NBAS: variants seen among roughly 807,000 people sequenced by gnomAD.
The protein encoded by NBAS is NAG/BC035112 fusion.
NBAS carries 219 observed loss-of-function variants against 302.5 expected under a neutral mutation model. The observed-to-expected ratio is 0.72, with a 90% CI of 0.65 to 0.81. NBAS has a LOEUF of 0.81. Ranked by LOEUF, NBAS falls within the 30% of genes least tolerant of loss-of-function variation. The pLI is 0.00. For missense variants in NBAS, 2,932 were observed against 2,841.6 expected, an observed-to-expected ratio of 1.03 and a Z score of -0.72; for synonymous variants, 1,118 against 1,021.6, an observed-to-expected ratio of 1.09 and a Z score of -1.80.
chr2:15,140,506 T>A, the NBAS span, among the ~76,000 whole-genome samples: 1 of 152,366 alleles, frequency 6.6e-6, no homozygotes, highest in East Asian at 1.9e-4. Flanking sequence ...TTCTTATGCT[T>A]CTCATTTGCA....
At chr2:15,155,920 G>A in the NBAS span, among the ~76,000 whole-genome samples, 1 of 152,182 alleles carries the variant, frequency 6.6e-6, no homozygotes, top group African/African-American at 2.4e-5. Flanking sequence ...CGGTGCCAAG[G>A]CTCACAGAAG....
intron 35 of NBAS, among the ~76,000 whole-genome samples, chr2:15,337,235 C>T (rs1672626777): frequency 6.6e-6 from 1 of 151,946 alleles, no homozygotes. Flanking sequence ...GAGGGAGGAC[C>T]ACTTAAGCAC....
intron 32 of NBAS, among the ~76,000 whole-genome samples, chr2:15,363,084 G>GA (rs1243942110): frequency 4.0e-5 from 6 of 151,892 alleles, no homozygotes; most frequent in Non-Finnish European, 8.8e-5. Flanking sequence ...AAAACAGTCA[G>GA]AAAAAAAAGA....
chr2:14,903,803 C>A, the NBAS span, among the ~76,000 whole-genome samples: 1 of 151,958 alleles, frequency 6.6e-6, no homozygotes, highest in Non-Finnish European at 1.5e-5. Flanking sequence ...CTGAGAAAAT[C>A]GAAGTTCAGG....
At chr2:15,435,378 T>C (rs1177506231) in intron 21 of NBAS, among the ~76,000 whole-genome samples, 1 of 152,236 alleles carries the variant, frequency 6.6e-6, no homozygotes, top group Non-Finnish European at 1.5e-5. Flanking sequence ...ACACTATTTA[T>C]ATAACCATTC....
At chr2:15,003,026 G>C in the NBAS span, among the ~76,000 whole-genome samples, 1 of 152,274 alleles carries the variant, frequency 6.6e-6, no homozygotes, top group African/African-American at 2.4e-5. Flanking sequence ...TGCAGCCAAA[G>C]TAGGAGCCCA....
the NBAS span, among the ~76,000 whole-genome samples, chr2:14,837,900 T>C: frequency 6.6e-6 from 1 of 151,902 alleles, no homozygotes; most frequent in Admixed American, 6.6e-5. Context: ...TACGCTAGTC[T>C]CCTACTGGAA....
At chr2:15,247,788 A>G (rs1041701448) in intron 44 of NBAS, among the ~76,000 whole-genome samples, 2 of 145,098 alleles carry the variant, frequency 1.4e-5, no homozygotes, top group African/African-American at 5.4e-5. Context: ...AGAACCAATG[A>G]CAATACGGGC....
chr2:15,283,190 A>G (rs1572584217), intron 42 of NBAS, among the ~76,000 whole-genome samples: 1 of 152,226 alleles, frequency 6.6e-6, no homozygotes, highest in East Asian at 1.9e-4. Context: ...TGGTACTATT[A>G]TATCAGCCAG....
At chr2:15,223,323 A>T (rs1667027992) in intron 47 of NBAS, among the ~76,000 whole-genome samples, 1 of 152,180 alleles carries the variant, frequency 6.6e-6, no homozygotes, top group Non-Finnish European at 1.5e-5. Context: ...GGGGAAAAGC[A>T]TGTCAGTATT....
the NBAS span, among the ~76,000 whole-genome samples, chr2:15,113,985 C>T: frequency 4.1e-3 from 630 of 152,062 alleles, 4 homozygotes; most frequent in African/African-American, 0.014. Flanking sequence ...CCACTATCTA[C>T]GAAATAGTTT....
the NBAS span, among the ~76,000 whole-genome samples, chr2:14,919,368 C>T: frequency 1.3e-5 from 2 of 152,078 alleles, no homozygotes; most frequent in African/African-American, 4.8e-5. Flanking sequence ...TGTGAACCTG[C>T]AGTGTGTCAT....
chr2:15,142,193 T>C, the NBAS span, among the ~76,000 whole-genome samples: 1 of 152,212 alleles, frequency 6.6e-6, no homozygotes, highest in East Asian at 1.9e-4. Flanking sequence ...CTGTCAACAG[T>C]TGCAAATGCA....
At chr2:15,197,962 G>T (rs2125156285) in intron 48 of NBAS, among the ~76,000 whole-genome samples, 1 of 152,348 alleles carries the variant, frequency 6.6e-6, no homozygotes, top group East Asian at 1.9e-4. Context: ...ATTCAAAAGA[G>T]GGTCTTTTTC....
At chr2:15,438,221 A>C (rs1678128185) in intron 21 of NBAS, among the ~76,000 whole-genome samples, 1 of 152,224 alleles carries the variant, frequency 6.6e-6, no homozygotes, top group South Asian at 2.1e-4. Context: ...CCATTTAATC[A>C]ACTGCATAGA....
At chr2:15,338,646 T>C (rs149362474) in intron 35 of NBAS, among the ~76,000 whole-genome samples, 1,841 of 147,066 alleles carry the variant, frequency 0.013, 36 homozygotes, top group South Asian at 0.025. Flanking sequence ...AACATGCATG[T>C]GCACTCACAT....
chr2:15,114,647 TA>T, the NBAS span, among the ~76,000 whole-genome samples: 6 of 152,058 alleles, frequency 3.9e-5, no homozygotes, highest in African/African-American at 1.4e-4. Flanking sequence ...GGGAGGACCA[TA>T]ACAGGCTCCT....
At chr2:14,816,293 G>A in the NBAS span, among the ~76,000 whole-genome samples, 1 of 152,204 alleles carries the variant, frequency 6.6e-6, no homozygotes, top group South Asian at 2.1e-4. Context: ...ATTAGCAGCG[G>A]CATTAGAGTC....
At chr2:14,872,902 G>T in the NBAS span, among the ~76,000 whole-genome samples, 12 of 152,268 alleles carry the variant, frequency 7.9e-5, no homozygotes, top group Admixed American at 2.0e-4. Context: ...TGGGTTTGTG[G>T]TCTCACTGAC....
Sources: gnomAD v4.1 joint callset for allele counts (sites outside exome capture counted in the v4.1 genomes callset) on GRCh38, gnomAD v4.1.1 for gene constraint, MANE v1.5 for transcripts, NCBI Gene and HGNC (gene_info 2026-07-23, HGNC 2026-07-21) for gene names.